DOCK8: variants seen among roughly 807,000 people sequenced by gnomAD.
DOCK8 encodes dedicator of cytokinesis protein 8.
A neutral mutation model predicts 245.6 loss-of-function variants in DOCK8; 141 were observed. The ratio of observed to expected loss-of-function variants is 0.57; its 90% CI spans 0.50 to 0.66. The LOEUF (loss-of-function observed/expected upper bound fraction) is 0.66. Among genes scored for constraint, DOCK8 ranks in the 30% least tolerant of loss-of-function variants. The pLI is 0.00. For synonymous variants in DOCK8, 1,168 were observed against 970.2 expected (o/e 1.20, Z -3.79); for missense variants, 2,965 against 2,603.4 (o/e 1.14, Z -3.02).
chr9:444,377 T>C (rs1268340477), intron 43 of DOCK8, among the ~76,000 whole-genome samples: 2 of 148,582 alleles, frequency 1.3e-5, no homozygotes, highest in Non-Finnish European at 3.0e-5. Context: ...TGGGAGTTTC[T>C]ATGATACCTG....
intron 28 of DOCK8, among the ~76,000 whole-genome samples, chr9:408,324 T>C (rs142063525): frequency 7.5e-4 from 114 of 152,346 alleles, no homozygotes; most frequent in African/African-American, 2.5e-3. Context: ...AGTGACTCTA[T>C]GTCTGCGTCT....
chr9:277,296 AT>A (rs2048384203), intron 2 of DOCK8, among the ~76,000 whole-genome samples: 1 of 151,862 alleles, frequency 6.6e-6, no homozygotes, highest in South Asian at 2.1e-4. Context: ...ATGGTGGCAC[AT>A]GCCTTTAGTC....
chr9:293,651 C>T (rs2049137916), intron 4 of DOCK8, among the ~76,000 whole-genome samples: 1 of 152,356 alleles, frequency 6.6e-6, no homozygotes, highest in African/African-American at 2.4e-5. Flanking sequence ...AAGTTTGGTA[C>T]ATCCTTCTCT....
chr9:433,489 C>T (rs1355876636), intron 37 of DOCK8, among the ~76,000 whole-genome samples: 1 of 152,214 alleles, frequency 6.6e-6, no homozygotes, highest in African/African-American at 2.4e-5. Context: ...GCTTCTGAGA[C>T]ATGGAACTCA....
At chr9:424,466 G>A (rs2056405877) in intron 33 of DOCK8, among the ~76,000 whole-genome samples, 1 of 151,824 alleles carries the variant, frequency 6.6e-6, no homozygotes, top group Admixed American at 6.6e-5. Flanking sequence ...CTGGAATACA[G>A]TGGCACAATC....
chr9:415,308 G>A (rs75887901), intron 29 of DOCK8, among the ~76,000 whole-genome samples: 2 of 151,958 alleles, frequency 1.3e-5, no homozygotes, highest in African/African-American at 4.8e-5. Flanking sequence ...TTGAAATAAA[G>A]GTGTTCCTTC....
chr9:315,445 T>A (rs2050303282), intron 6 of DOCK8, among the ~76,000 whole-genome samples: 1 of 152,166 alleles, frequency 6.6e-6, no homozygotes, highest in African/African-American at 2.4e-5. Flanking sequence ...GGATCTTGAT[T>A]TAACAAAATA....
intron 1 of DOCK8, among the ~76,000 whole-genome samples, chr9:228,741 C>A (rs1210509712): frequency 6.6e-6 from 1 of 152,186 alleles, no homozygotes; most frequent in Non-Finnish European, 1.5e-5. Context: ...TGACTTAAAA[C>A]AGCCATTATT....
intron 25 of DOCK8, 138 bp from the exon 26 acceptor site, chr9:399,008 A>T: frequency 1.3e-6 from 1 of 743,532 alleles, no homozygotes; most frequent in Admixed American, 2.0e-5. Flanking sequence ...AGGAGACTCA[A>T]CTACTTCGCC....
intron 14 of DOCK8, among the ~76,000 whole-genome samples, chr9:360,665 C>T (rs376610670): frequency 2.0e-5 from 3 of 152,300 alleles, no homozygotes; most frequent in African/African-American, 7.2e-5. Context: ...GAGCCAATAA[C>T]TTCTGGAATC....
chr9:340,361 C>T, intron 14 of DOCK8, 40 bp downstream of exon 14: 1 of 1,612,208 alleles, frequency 6.2e-7, no homozygotes. Context: ...GTGGCTTACA[C>T]CATAATCCCA....
chr9:388,837 A>G (rs944688639), intron 23 of DOCK8, among the ~76,000 whole-genome samples: 5 of 152,176 alleles, frequency 3.3e-5, no homozygotes, highest in African/African-American at 7.2e-5. Flanking sequence ...TACAGGCATG[A>G]GTCAACACAC....
At chr9:422,379 C>G (rs376152019) in intron 33 of DOCK8, among the ~76,000 whole-genome samples, 1 of 152,138 alleles carries the variant, frequency 6.6e-6, no homozygotes, top group Non-Finnish European at 1.5e-5. Flanking sequence ...TCTTTAGCAA[C>G]CTCAGATGGC....
intron 43 of DOCK8, 142 bp downstream of exon 43, chr9:443,658 A>C: frequency 1.5e-6 from 1 of 666,566 alleles, no homozygotes; most frequent in Non-Finnish European, 2.6e-6. Context: ...TTCAACTACT[A>C]ATTGGTCAGA....
intron 20 of DOCK8, among the ~76,000 whole-genome samples, 163 bp downstream of exon 20, chr9:377,374 A>G (rs2053562743): frequency 6.6e-6 from 1 of 151,190 alleles, no homozygotes. Context: ...TTTTTTTGAG[A>G]CTCTCTGCAT....
At chr9:403,943 T>C (rs1410384499) in intron 26 of DOCK8, among the ~76,000 whole-genome samples, 1 of 84,504 alleles carries the variant, frequency 1.2e-5, no homozygotes, top group African/African-American at 7.9e-5. Context: ...TATATATATA[T>C]GTGTATATAT....
intron 24 of DOCK8, among the ~76,000 whole-genome samples, chr9:396,380 A>G (rs10814731): frequency 0.44 from 67,365 of 152,066 alleles, 16,275 homozygotes; most frequent in East Asian, 0.76. Flanking sequence ...TTTAGTTCGC[A>G]TCAAGAACCT....
chr9:299,094 T>C (rs192755115), intron 4 of DOCK8, among the ~76,000 whole-genome samples: 2 of 152,204 alleles, frequency 1.3e-5, no homozygotes, highest in African/African-American at 4.8e-5. Context: ...GGCGATAACT[T>C]AATATTTGCA....
At chr9:215,560 T>C (rs1020154498) in intron 1 of DOCK8, 4 of 1,029,290 alleles carry the variant, frequency 3.9e-6, no homozygotes, top group Non-Finnish European at 5.2e-6. Context: ...CCTGGTGGCA[T>C]CGCTATTTTT....
Sources: gnomAD v4.1 joint callset for allele counts (sites outside exome capture counted in the v4.1 genomes callset) on GRCh38, gnomAD v4.1.1 for gene constraint, MANE v1.5 for transcripts, NCBI Gene and HGNC (gene_info 2026-07-23, HGNC 2026-07-21) for gene names.